DUT: variants seen among roughly 807,000 people sequenced by gnomAD.
DUT encodes deoxyuridine triphosphatase.
In DUT, 21 loss-of-function variants were observed where a neutral mutation model predicts 28.8. The ratio of observed to expected loss-of-function variants is 0.73; its 90% CI spans 0.52 to 1.05. DUT has a LOEUF of 1.05. Among genes scored for constraint, DUT ranks in the 50% least tolerant of loss-of-function variants. DUT has a pLI of 0.00. For synonymous variants in DUT, 147 were observed against 143.7 expected (o/e 1.02, Z -0.17); for missense variants, 344 against 351.8 (o/e 0.98, Z 0.18).
At position 48,334,430 on chromosome 15, in the gene DUT, A is replaced by G. The variant is rs1286437250; in HGVS notation, c.433A>G (p.Thr145Ala). 6.3e-7 allele frequency: 1 copy of G among 1,597,942 alleles called. No homozygotes were observed. Among genetic ancestry groups the G allele is most frequent in the Admixed American group, 1.7e-5 (1 of 59,562 alleles). Reference protein sequence around the residue: ...GYDLYSAYDYTIPPMEKAVVK... With the variant: ...GYDLYSAYDYAIPPMEKAVVK... ...ATATTTTCTTAGTGCCTATGATTAC[A>G]CAATACCACCTATGGAGAAAGCTGT... Residue 145 changes from threonine (T) to alanine (A), a missense_variant, in exon 3 of 7, where the codon ACA becomes GCA. Physicochemically the swap from Thr to Ala is moderately conservative, Grantham distance 58 (BLOSUM62 0). Coordinates refer to ENST00000331200, the MANE Select transcript of DUT (RefSeq NM_001025248.2).
chr15:48,339,385 A>G (rs979725917), intron 4 of DUT, among the ~76,000 whole-genome samples: 34 of 152,292 alleles, frequency 2.2e-4, no homozygotes, highest in African/African-American at 8.2e-4. Flanking sequence ...GTCTTTCTCT[A>G]ACTCATTCAA....
chr15:48,335,375 A>T (rs2042464207), intron 3 of DUT, among the ~76,000 whole-genome samples: 1 of 152,090 alleles, frequency 6.6e-6, no homozygotes, highest in African/African-American at 2.4e-5. Flanking sequence ...ATTTTTTAGG[A>T]TTAAAAAGTA....
intron 4 of DUT, among the ~76,000 whole-genome samples, chr15:48,336,299 TTAA>T (rs1272418042): frequency 2.3e-4 from 35 of 152,120 alleles, no homozygotes; most frequent in Non-Finnish European, 4.3e-4. Flanking sequence ...GATTACCTAA[TTAA>T]TAATGACAGA....
intron 2 of DUT, among the ~76,000 whole-genome samples, 173 bp from the exon 3 acceptor site, chr15:48,334,244 A>G (rs970292308): frequency 1.3e-5 from 2 of 152,246 alleles, no homozygotes; most frequent in Admixed American, 6.5e-5. Flanking sequence ...TACCTTCTTC[A>G]TAAACTTTTA....
chr15:48,342,243 C>A lies in DUT; in HGVS notation c.*165C>A. On this transcript the variant is annotated 3_prime_UTR_variant, in exon 7 of 7. Coordinates refer to ENST00000331200, the MANE Select transcript of DUT (RefSeq NM_001025248.2). ...TTTTTTTTATGATCAAGGAAAAGAT[C>A]ATTAAAAAAAAACACAAAGAAGTTT... 1 of 387,012 alleles carries A rather than the reference C, an allele frequency of 2.6e-6. No individual in the cohort carries two copies. 24.0% of individuals were successfully genotyped at this position (387,012 alleles called of 1,614,324 possible). A position where few individuals can be genotyped will look rare whatever the true frequency, so the allele number is the denominator to read the frequency against.
At position 48,331,857 on chromosome 15, in the gene DUT, G is replaced by C. The variant is rs1485993462; in HGVS notation, c.280+62G>C. The C allele has an allele frequency of 5.6e-6, 7 of 1,255,198 alleles. No individual in the cohort carries two copies. In the East Asian group the frequency reaches 1.9e-4, roughly 34 times the overall value. The allele number at this position is 1,255,198 out of a possible 1,614,324, so 77.8% of individuals were successfully genotyped here. A position where few individuals can be genotyped will look rare whatever the true frequency, so the allele number is the denominator to read the frequency against. On this transcript the variant is annotated intron_variant, in intron 1 of 6. Coordinates refer to ENST00000331200, the MANE Select transcript of DUT (RefSeq NM_001025248.2). Reference sequence around the variant, plus strand: ...AGGAATCCACGCGGCTTGAGGCTGTGGGGGAAGTAGGGTGGCGAGCGGTCC... The same window carrying C: ...AGGAATCCACGCGGCTTGAGGCTGTCGGGGAAGTAGGGTGGCGAGCGGTCC...
chr15:48,331,865 T>C (rs1311145867), intron 1 of DUT, 70 bp downstream of exon 1: 19 of 530,928 alleles, frequency 3.6e-5, no homozygotes, highest in Non-Finnish European at 4.1e-5. Flanking sequence ...GTGGGGGAAG[T>C]AGGGTGGCGA....
At position 48,331,703 on chromosome 15, in the gene DUT, T is replaced by A; in HGVS notation, c.188T>A (p.Leu63Gln). 6.6e-7 allele frequency: 1 copy of A among 1,516,066 alleles called. No homozygotes were observed. The allele number at this position is 1,516,066 out of a possible 1,614,324, so 93.9% of individuals were successfully genotyped here. The change falls in exon 1 of 7, where the codon CTG becomes CAG. Residue 63 changes from leucine to glutamine, a missense_variant. Transcript: ENST00000331200. ...CGGCCGCTGTCCAGCGCTGGCCGCC[T>A]GAGCCAAGGCTGCCGCGGAGCCAGT... is the stretch of plus-strand genomic sequence containing the variant. ...IPRPLSSAGR[L>Q]SQGCRGASTV... is the part of the protein sequence containing the mutation.
intron 4 of DUT, 167 bp from the exon 5 acceptor site, chr15:48,341,122 A>C: frequency 2.1e-6 from 1 of 483,570 alleles, no homozygotes; most frequent in East Asian, 3.3e-5. Flanking sequence ...TATTTTAGTA[A>C]TGTCATTTCT....
rs1258764129 is a variant in DUT at position 48,331,791 on chromosome 15, G to T, written c.276G>T (p.Gly92=). The T allele has an allele frequency of 2.2e-6, 3 of 1,373,254 alleles. No individual in the cohort carries two copies. In the South Asian group the frequency reaches 5.1e-5, roughly 23 times the overall value. 85.1% of individuals were successfully genotyped at this position (1,373,254 alleles called of 1,614,324 possible). A position where few individuals can be genotyped will look rare whatever the true frequency, so the allele number is the denominator to read the frequency against. ...AGGCGGGGGGAAGCCCGGCGCCGGG[G>T]CCGGGTAGGAAAGGCGGGGGAGGGG... is the stretch of plus-strand genomic sequence containing the variant. ...LPKAGGSPAP[G]PETPAISPSK... The change falls in exon 1 of 7, where the codon GGG becomes GGT. Residue 92 remains glycine (G), a synonymous_variant. Coordinates refer to ENST00000331200, the MANE Select transcript of DUT (RefSeq NM_001025248.2).
chr15:48,341,804 CTG>C (rs1326466972), intron 6 of DUT: 2 of 566,518 alleles, frequency 3.5e-6, no homozygotes, highest in African/African-American at 3.9e-5. Context: ...TTTAAACATA[CTG>C]TGAACTTCTA....
upstream of DUT, chr15:48,331,296 G>A: frequency 1.4e-6 from 2 of 1,445,576 alleles, no homozygotes; most frequent in Non-Finnish European, 1.8e-6. Context: ...GCAGCCAGAG[G>A]CGGCAGCAAG....
rs2042411563 is a variant in DUT at position 48,331,665 on chromosome 15, G to A, written c.150G>A (p.Gln50=). Residue 50 remains glutamine (Q), a synonymous_variant, in exon 1 of 7, where the codon CAG becomes CAA. Coordinates refer to ENST00000331200, the MANE Select transcript of DUT (RefSeq NM_001025248.2). ...GCCCGCCCCTCGGCCGCGCCGCGCA[G>A]CACGGGATTCCCCGGCCGCTGTCCA... ...GPGPPLGRAA[Q]HGIPRPLSSA... is the part of the protein sequence containing the mutation. 1 of 1,535,012 alleles carries A rather than the reference G, an allele frequency of 6.5e-7. No individual in the cohort carries two copies. The highest frequency in any genetic ancestry group is 8.8e-7 in the Non-Finnish European group (1 of 1,140,670).
Position 48,332,295 on chromosome 15 carries a change from G to T in DUT, c.308G>T (p.Arg103Leu). 6.2e-7 allele frequency: 1 copy of T among 1,608,892 alleles called. No individual in the cohort carries two copies. Among genetic ancestry groups the T allele is most frequent in the Non-Finnish European group, 8.5e-7 (1 of 1,178,428 alleles). Residue 103 changes from arginine (R) to leucine (L), a missense_variant, in exon 2 of 7, where the codon CGG (arginine) becomes CTG (leucine). Coordinates refer to ENST00000331200, the MANE Select transcript of DUT (RefSeq NM_001025248.2). ...ACACCCGCCATTTCACCCAGTAAGC[G>T]GGCCCGGCCTGCGGAGGTGGGCGGC... is the stretch of plus-strand genomic sequence containing the variant. Reference protein sequence around the residue: ...PETPAISPSKRARPAEVGGMQ... With the variant: ...PETPAISPSKLARPAEVGGMQ...
In DUT at chr15:48,331,500, C is replaced by A; in HGVS notation, c.-16C>A. 1 of 1,611,406 alleles carries A rather than the reference C, an allele frequency of 6.2e-7. No individual in the cohort carries two copies. Among genetic ancestry groups the A allele is most frequent in the Non-Finnish European group, 8.5e-7 (1 of 1,179,342 alleles). On this transcript the variant is annotated 5_prime_UTR_variant, in exon 1 of 7. Coordinates refer to ENST00000331200, the MANE Select transcript of DUT (RefSeq NM_001025248.2). ...CGGAGGTGCCGAGGACCCAACCAGCCCAAACTCTGGGGGAAATGACTCCCC... is the reference window on the plus strand; with the variant it reads ...CGGAGGTGCCGAGGACCCAACCAGCACAAACTCTGGGGGAAATGACTCCCC...
chr15:48,336,811 C>T (rs1050536787), intron 4 of DUT, among the ~76,000 whole-genome samples: 9 of 152,064 alleles, frequency 5.9e-5, no homozygotes, highest in African/African-American at 1.9e-4. Context: ...CTCCTCCACC[C>T]GTTTTTACAG....
chr15:48,335,090 G>GCCCTT (rs1161511918), intron 3 of DUT, among the ~76,000 whole-genome samples: 1 of 152,200 alleles, frequency 6.6e-6, no homozygotes. Flanking sequence ...AGCCATGAGT[G>GCCCTT]AGGAAACTGC....
chr15:48,335,167 C>A (rs1334820626), intron 3 of DUT, among the ~76,000 whole-genome samples: 1 of 152,046 alleles, frequency 6.6e-6, no homozygotes, highest in African/African-American at 2.4e-5. Context: ...TCATTGACTC[C>A]ATTTTTTAGA....
At chr15:48,332,221 G>A in intron 1 of DUT, 47 bp from the exon 2 acceptor site, 2 of 1,551,060 alleles carry the variant, frequency 1.3e-6, no homozygotes, top group Admixed American at 2.0e-5. Flanking sequence ...TCTTCCCCCG[G>A]TGGTCTCCTC....
Sources: allele counts gnomAD v4.1 joint callset (sites outside exome capture counted in the v4.1 genomes callset), GRCh38; gene constraint gnomAD v4.1.1; transcripts MANE v1.5; gene names NCBI Gene and HGNC (gene_info 2026-07-23, HGNC 2026-07-21).